CDC5L: variants seen among roughly 807,000 people sequenced by gnomAD.
CDC5L encodes cell division cycle 5-like protein.
Under a neutral mutation model 104.1 loss-of-function variants are expected in CDC5L, and 18 were observed. That is an observed-to-expected ratio of 0.17 (90% CI 0.12 to 0.26). CDC5L has a LOEUF of 0.26. CDC5L is among the 10% of genes least tolerant of loss of function. The probability of loss-of-function intolerance (pLI) is 1.00; values close to 1 mark genes in which losing one functional copy is unlikely to be tolerated. For synonymous variants in CDC5L, 331 were observed against 322.7 expected (o/e 1.03, Z -0.28); for missense variants, 673 against 956.9 (o/e 0.70, Z 3.91).
Position 44,438,406 on chromosome 6 carries a change from C to T in CDC5L, c.2092-7249C>T, listed in dbSNP as rs539071756. Among the ~76,000 whole-genome samples, 204 of 152,304 alleles carry T rather than the reference C, an allele frequency of 1.3e-3. No homozygotes were observed. In the Middle Eastern group the frequency reaches 0.02, roughly 15 times the overall value. On this transcript the variant is annotated intron_variant, in intron 14 of 15. Coordinates refer to ENST00000371477, the MANE Select transcript of CDC5L (RefSeq NM_001253.4). The stretch of plus-strand genomic sequence containing the variant: ...TCTGGCTGAAACAGAGTTTGACATC[C>T]TAATTGCCTGTTAGAATCATTTGGG...
intron 14 of CDC5L, among the ~76,000 whole-genome samples, chr6:44,441,163 C>T (rs1229382744): frequency 1.3e-5 from 2 of 152,192 alleles, no homozygotes; most frequent in Non-Finnish European, 2.9e-5. Flanking sequence ...CCCCAGTATC[C>T]TCTGGTAGCC....
intron 9 of CDC5L, among the ~76,000 whole-genome samples, chr6:44,420,288 A>G (rs1318228523): frequency 2.0e-5 from 3 of 152,052 alleles, no homozygotes; most frequent in Admixed American, 2.0e-4. Flanking sequence ...CTGTGAAGAC[A>G]TTGCCCTACC....
chr6:44,436,643 A>G (rs1276220616), intron 14 of CDC5L, among the ~76,000 whole-genome samples: 3 of 152,312 alleles, frequency 2.0e-5, no homozygotes, highest in Non-Finnish European at 2.9e-5. Context: ...GTATACTGGT[A>G]TAATAAATCC....
chr6:44,423,255 T>G (rs1792271815), intron 10 of CDC5L, among the ~76,000 whole-genome samples: 1 of 152,184 alleles, frequency 6.6e-6, no homozygotes, highest in Admixed American at 6.5e-5. Context: ...TTTGGTTGAT[T>G]TATATATGTT....
Position 44,422,814 on chromosome 6 carries a change from A to G in CDC5L, c.1404+5A>G, listed in dbSNP as rs758386263. On this transcript the variant is annotated splice_donor_5th_base_variant and intron_variant, in intron 10 of 15. Transcript: ENST00000371477. The stretch of plus-strand genomic sequence containing the variant: ...CCCTCTTACGTGAAGCAGATGGTAA[A>G]TGTCAATTCCCTTTTAATACTCTTA... The G allele has an allele frequency of 1.3e-6, 2 of 1,586,912 alleles. No individual in the cohort carries two copies. The highest frequency in any genetic ancestry group is 1.2e-5 in the South Asian group (1 of 86,704).
intron 8 of CDC5L, among the ~76,000 whole-genome samples, chr6:44,409,290 C>T (rs1318204274): frequency 6.6e-6 from 1 of 152,198 alleles, no homozygotes; most frequent in Non-Finnish European, 1.5e-5. Flanking sequence ...ACTCATTGAC[C>T]ATTTTCAGTT....
chr6:44,399,068 T>C (rs1790999457), intron 5 of CDC5L, among the ~76,000 whole-genome samples: 1 of 152,268 alleles, frequency 6.6e-6, no homozygotes, highest in Non-Finnish European at 1.5e-5. Flanking sequence ...GTCCTCTGCC[T>C]TAGCCCCCTG....
chr6:44,424,354 A>G (rs1248245996), intron 10 of CDC5L, 65 bp from the exon 11 acceptor site: 1 of 1,394,778 alleles, frequency 7.2e-7, no homozygotes, highest in Non-Finnish European at 9.9e-7. Flanking sequence ...TTTTTAAGAG[A>G]CTCATAAAAT....
chr6:44,436,247 A>G (rs1182078279), intron 14 of CDC5L, among the ~76,000 whole-genome samples: 4 of 152,162 alleles, frequency 2.6e-5, no homozygotes, highest in Non-Finnish European at 5.9e-5. Context: ...ACTTGGTTTG[A>G]TACTATGAGG....
intron 5 of CDC5L, among the ~76,000 whole-genome samples, chr6:44,397,429 CTTCT>C (rs1561968153): frequency 1.3e-5 from 2 of 152,070 alleles, no homozygotes; most frequent in African/African-American, 4.8e-5. Flanking sequence ...TATTCTTTAC[CTTCT>C]TTATTTCTCT....
chr6:44,436,448 A>G (rs1236235470), intron 14 of CDC5L, among the ~76,000 whole-genome samples: 1 of 152,180 alleles, frequency 6.6e-6, no homozygotes, highest in Non-Finnish European at 1.5e-5. Flanking sequence ...CTAACATTTC[A>G]TGTATACATT....
At chr6:44,424,678 C>A in intron 11 of CDC5L, 95 bp downstream of exon 11, 2 of 1,147,844 alleles carry the variant, frequency 1.7e-6, no homozygotes, top group Non-Finnish European at 2.5e-6. Flanking sequence ...AAGATCTCTA[C>A]CTAGTCCTTT....
In CDC5L at chr6:44,392,846, A is replaced by G; in HGVS notation, c.311+18A>G. The G allele has an allele frequency of 6.2e-7, 1 of 1,607,192 alleles. No individual in the cohort carries two copies. Among genetic ancestry groups the G allele is most frequent in the Non-Finnish European group, 8.5e-7 (1 of 1,174,068 alleles). Reference sequence around the variant, plus strand: ...TTTCTTCTGTAAGTGAGTCTTCAGAAAGAGCATAGAATATATGTATATGTT... The same window carrying G: ...TTTCTTCTGTAAGTGAGTCTTCAGAGAGAGCATAGAATATATGTATATGTT... On this transcript the variant is annotated intron_variant, in intron 3 of 15. Coordinates refer to ENST00000371477, the MANE Select transcript of CDC5L (RefSeq NM_001253.4).
chr6:44,390,223 C>T, intron 1 of CDC5L, 45 bp from the exon 2 acceptor site: 1 of 1,263,014 alleles, frequency 7.9e-7, no homozygotes, highest in Non-Finnish European at 1.2e-6. Flanking sequence ...TCTTTTCCCA[C>T]TTGGAGTTTT....
chr6:44,426,856 A>T, intron 13 of CDC5L, 132 bp downstream of exon 13: 1 of 838,046 alleles, frequency 1.2e-6, no homozygotes, highest in Non-Finnish European at 1.9e-6. Flanking sequence ...TAGGAGATGC[A>T]TGTTTAGATT....
chr6:44,447,376 T>G lies in CDC5L; in HGVS notation c.*665T>G, dbSNP rs1028014023. 5.9e-5 allele frequency: 9 copies of G among 152,316 alleles called. 1 individual carries two copies. Among genetic ancestry groups the G allele is most frequent in the African/African-American group, 2.2e-4 (9 of 41,572 alleles). 9.4% of individuals were successfully genotyped at this position (152,316 alleles called of 1,614,324 possible). ...TAACTTCCTTGCCCCATTATTTTCT[T>G]ATAAGTATTTTTTGACAAAGGCATT... On this transcript the variant is annotated 3_prime_UTR_variant, in exon 16 of 16. Coordinates refer to ENST00000371477, the MANE Select transcript of CDC5L (RefSeq NM_001253.4).
chr6:44,421,865 G>A (rs969986911), intron 9 of CDC5L, among the ~76,000 whole-genome samples: 1 of 152,066 alleles, frequency 6.6e-6, no homozygotes, highest in Non-Finnish European at 1.5e-5. Context: ...ACCAATCCCC[G>A]GTGGATACTT....
Position 44,446,952 on chromosome 6 carries a change from CTT to C in CDC5L, c.*246_*247del. The C allele has an allele frequency of 3.5e-6, 1 of 287,724 alleles. No individual in the cohort carries two copies. The highest frequency in any genetic ancestry group is 1.6e-4 in the South Asian group (1 of 6,326). 17.8% of individuals were successfully genotyped at this position (287,724 alleles called of 1,614,324 possible). ...CTTTTAGTAATGTCATATTTGCAAACTTTTTTAGTTTTGGCCTTTAATTTAAA... is the reference window on the plus strand; with the variant it reads ...CTTTTAGTAATGTCATATTTGCAAACTTTTAGTTTTGGCCTTTAATTTAAA... On this transcript the variant is annotated 3_prime_UTR_variant, in exon 16 of 16. Transcript: ENST00000371477.
chr6:44,424,640 AG>A, intron 11 of CDC5L, 57 bp downstream of exon 11: 2 of 1,529,098 alleles, frequency 1.3e-6, no homozygotes, highest in Non-Finnish European at 1.8e-6. Flanking sequence ...GTAGGCTGGA[AG>A]AATGAAGAAT....
Sources: gnomAD v4.1 joint callset for allele counts (sites outside exome capture counted in the v4.1 genomes callset) on GRCh38, gnomAD v4.1.1 for gene constraint, MANE v1.5 for transcripts, NCBI Gene and HGNC (gene_info 2026-07-23, HGNC 2026-07-21) for gene names.